MKNK2: variants seen among roughly 807,000 people sequenced by gnomAD.
MKNK2 encodes MAP kinase-interacting serine/threonine-protein kinase 2.
MKNK2 carries 54 observed loss-of-function variants against 55.0 expected under a neutral mutation model. The ratio of observed to expected loss-of-function variants is 0.98; its 90% CI spans 0.79 to 1.23. The LOEUF (loss-of-function observed/expected upper bound fraction) is 1.23, where lower values mean the gene tolerates loss of function less well. Among genes scored for constraint, MKNK2 ranks in the 50% most tolerant of loss-of-function variants. The pLI is 0.00. For synonymous variants in MKNK2, 323 were observed against 256.0 expected, an observed-to-expected ratio of 1.26 and a Z score of -2.50; for missense variants, 685 against 632.1, an observed-to-expected ratio of 1.08 and a Z score of -0.90.
intron 2 of MKNK2, among the ~76,000 whole-genome samples, chr19:2,047,753 C>T (rs911936625): frequency 3.3e-5 from 5 of 152,110 alleles, no homozygotes; most frequent in South Asian, 2.1e-4. Flanking sequence ...CCCTCCCTTT[C>T]GCTCAGTGCC....
At chr19:2,044,573 G>A (rs1306277057) in intron 5 of MKNK2, among the ~76,000 whole-genome samples, 2 of 152,230 alleles carry the variant, frequency 1.3e-5, no homozygotes, top group Non-Finnish European at 2.9e-5. Flanking sequence ...CTCTGCCCAG[G>A]GTTCCCTGCC....
intron 2 of MKNK2, 110 bp downstream of exon 2, chr19:2,050,691 G>A (rs1290532555): frequency 4.7e-6 from 5 of 1,054,678 alleles, no homozygotes; most frequent in Non-Finnish European, 5.4e-6. Context: ...GTAGGGCGGG[G>A]GCCAGGCACG....
In MKNK2 at chr19:2,038,668, C is replaced by T. The variant is rs927496279; in HGVS notation, c.*945G>A. On this transcript the variant is annotated 3_prime_UTR_variant, in exon 14 of 14. Coordinates refer to ENST00000250896, the MANE Select transcript of MKNK2 (RefSeq NM_199054.3). ...GAGCTTCCAGGTCAGGCCCGAGGGG[C>T]GGCGCGAGGCAGGACGTGGCTACGG... is the stretch of plus-strand genomic sequence containing the variant. The T allele has an allele frequency of 4.5e-5, 44 of 985,534 alleles. No homozygotes were observed. Among genetic ancestry groups the T allele is most frequent in the African/African-American group, 7.0e-5 (4 of 57,200 alleles). The allele number at this position is 985,534 out of a possible 1,614,324, so 61.0% of individuals were successfully genotyped here.
chr19:2,041,596 T>G (rs918025444), intron 11 of MKNK2, among the ~76,000 whole-genome samples: 2 of 152,028 alleles, frequency 1.3e-5, no homozygotes, highest in Non-Finnish European at 2.9e-5. Flanking sequence ...GGCACTGCCC[T>G]GTGGATGGCA....
At chr19:2,040,899 T>C in intron 12 of MKNK2, 141 bp downstream of exon 12, 2 of 863,904 alleles carry the variant, frequency 2.3e-6, no homozygotes, top group South Asian at 1.6e-5. Flanking sequence ...GCACCCCTCA[T>C]CCCAGGGCAG....
chr19:2,043,975 CAAAAAAAAAAAAAAAAA>C (rs34533507), intron 5 of MKNK2, among the ~76,000 whole-genome samples: 1 of 23,828 alleles, frequency 4.2e-5, no homozygotes, highest in Admixed American at 5.7e-4. Flanking sequence ...GACTTCGCCT[CAAAAAAAAAAAAAAAAA>C]AAAAAAAAAA....
At chr19:2,040,491 C>T (rs1053719742) in intron 12 of MKNK2, 2 of 408,776 alleles carry the variant, frequency 4.9e-6, no homozygotes, top group Non-Finnish European at 8.8e-6. Flanking sequence ...CACCTCCGCC[C>T]CCCTCTTAAC....
intron 7 of MKNK2, 80 bp from the exon 8 acceptor site, chr19:2,042,950 A>G (rs2016924416): frequency 2.1e-6 from 3 of 1,449,240 alleles, no homozygotes; most frequent in Non-Finnish European, 2.8e-6. Flanking sequence ...ACCCACCTCC[A>G]CTTTGGCGGG....
chr19:2,046,491 G>A (rs369485731), intron 3 of MKNK2, 23 bp from the exon 4 acceptor site: 10 of 1,601,236 alleles, frequency 6.2e-6, no homozygotes, highest in Admixed American at 3.4e-5. Flanking sequence ...GCACGCCCAG[G>A]GGGCTCAGGA....
At chr19:2,041,754 G>C in intron 11 of MKNK2, 86 bp downstream of exon 11, 2 of 1,177,090 alleles carry the variant, frequency 1.7e-6, no homozygotes, top group Non-Finnish European at 2.3e-6. Context: ...GGGTGCGCAG[G>C]GCAGGTCCCC....
intron 10 of MKNK2, 179 bp downstream of exon 10, chr19:2,042,248 G>T: frequency 1.4e-6 from 1 of 722,914 alleles, no homozygotes; most frequent in East Asian, 3.0e-5. Context: ...GCCAAACACC[G>T]ACGCGTTGGG....
Position 2,041,196 on chromosome 19 carries a change from C to T in MKNK2, c.954G>A (p.Leu318=). ...ACTTGCCCTCCTGGATGCTCTCAAA[C>T]AGCATGTTCTGGGGACATAGAACAC... ...GEACPACQNM[L]FESIQEGKYE... The change falls in exon 12 of 14, where the codon CTG becomes CTA. Residue 318 remains leucine, a synonymous_variant. Transcript: ENST00000250896. The T allele has an allele frequency of 6.2e-7, 1 of 1,613,032 alleles. No individual in the cohort carries two copies. Among genetic ancestry groups the T allele is most frequent in the African/African-American group, 1.3e-5 (1 of 75,024 alleles).
intron 10 of MKNK2, 194 bp downstream of exon 10, chr19:2,042,230 CCCA>C (rs1288360551): frequency 1.4e-6 from 1 of 723,566 alleles, no homozygotes; most frequent in Non-Finnish European, 2.2e-6. Context: ...GCGGCCCCGC[CCCA>C]CCCGGCCAAA....
chr19:2,046,723 G>T lies in MKNK2; in HGVS notation c.52-32C>A, dbSNP rs531655063. The stretch of plus-strand genomic sequence containing the variant: ...GGGAGAGGAGAGGAGAGGCACTCAG[G>T]CCCCATCCCTGCCCACGCAGCAGGG... On this transcript the variant is annotated intron_variant, in intron 2 of 13. Transcript: ENST00000250896. 2.5e-5 allele frequency: 37 copies of T among 1,470,816 alleles called. No individual in the cohort carries two copies. The South Asian group carries it at 4.6e-4, about 18-fold the overall frequency. The allele number at this position is 1,470,816 out of a possible 1,614,324, so 91.1% of individuals were successfully genotyped here.
chr19:2,038,440 C>G lies in MKNK2; in HGVS notation c.*1173G>C. On this transcript the variant is annotated 3_prime_UTR_variant, in exon 14 of 14. Coordinates refer to ENST00000250896, the MANE Select transcript of MKNK2 (RefSeq NM_199054.3). ...AACGTCCCCACCCGCGGGGAGGGGG[C>G]AGCAGGCTCCGCAGCCCCCGGGGGT... 1 of 985,362 alleles carries G rather than the reference C, an allele frequency of 1.0e-6. No individual in the cohort carries two copies. Among genetic ancestry groups the G allele is most frequent in the African/African-American group, 1.7e-5 (1 of 57,264 alleles). The allele number at this position is 985,362 out of a possible 1,614,324, so 61.0% of individuals were successfully genotyped here.
rs765612521 is a variant in MKNK2, at chr19:2,041,210, G to A, written c.946-6C>T. ...ATGCTCTCAAACAGCATGTTCTGGG[G>A]ACATAGAACACAGGGGAGCTTAGAC... On this transcript the variant is annotated splice_region_variant and splice_polypyrimidine_tract_variant and intron_variant, in intron 11 of 13. Coordinates refer to ENST00000250896, the MANE Select transcript of MKNK2 (RefSeq NM_199054.3). 6.2e-7 allele frequency: 1 copy of A among 1,610,162 alleles called. No homozygotes were observed. The highest frequency in any genetic ancestry group is 1.3e-5 in the African/African-American group (1 of 74,978).
chr19:2,038,078 T>G lies in MKNK2; in HGVS notation c.*1535A>C, dbSNP rs2016791732. 4 of 1,167,412 alleles carry G rather than the reference T, an allele frequency of 3.4e-6. No individual in the cohort carries two copies. In the South Asian group the frequency reaches 1.2e-4, roughly 35 times the overall value. 72.3% of individuals were successfully genotyped at this position (1,167,412 alleles called of 1,614,324 possible). A position where few individuals can be genotyped will look rare whatever the true frequency, so the allele number is the denominator to read the frequency against. On this transcript the variant is annotated 3_prime_UTR_variant, in exon 14 of 14. Transcript: ENST00000250896. ...AGGGGCAGTCCACAGATATGGGCAGTGGGGACCAGGGAAGGCAGAGCACCC... is the reference window on the plus strand; with the variant it reads ...AGGGGCAGTCCACAGATATGGGCAGGGGGGACCAGGGAAGGCAGAGCACCC...
chr19:2,042,755 T>A lies in MKNK2; in HGVS notation c.598+11A>T. 1 of 1,561,294 alleles carries A rather than the reference T, an allele frequency of 6.4e-7. No individual in the cohort carries two copies. Among genetic ancestry groups the A allele is most frequent in the East Asian group, 2.4e-5 (1 of 42,342 alleles). ...CGGCCCTAGGAGACTCCGGGCGGGG[T>A]CACCACCTACCTTTGTTATGCAGAA... On this transcript the variant is annotated intron_variant, in intron 8 of 13. Transcript: ENST00000250896.
At position 2,042,513 on chromosome 19, in the gene MKNK2, C is replaced by A. The variant is rs955862669; in HGVS notation, c.664G>T (p.Val222Leu). ...CCCAGGTCGAAGTCACAGATCTTCA[C>A]GGGGGAGACCTGGGAGGGGCCAAAA... ...LCEHPNQVSP[V>L]KICDFDLGSG... Residue 222 changes from valine to leucine, a missense_variant, in exon 10 of 14, where the codon GTG becomes TTG. Val to Leu is a conservative substitution (Grantham distance 32). Coordinates refer to ENST00000250896, the MANE Select transcript of MKNK2 (RefSeq NM_199054.3). 6.3e-7 allele frequency: 1 copy of A among 1,595,242 alleles called. No homozygotes were observed. The highest frequency in any genetic ancestry group is 8.5e-7 in the Non-Finnish European group (1 of 1,172,210).
Sources: gnomAD v4.1 joint callset for allele counts (sites outside exome capture counted in the v4.1 genomes callset) on GRCh38, gnomAD v4.1.1 for gene constraint, MANE v1.5 for transcripts, NCBI Gene and HGNC (gene_info 2026-07-23, HGNC 2026-07-21) for gene names.